ASB15: variants seen among roughly 807,000 people sequenced by gnomAD.
ASB15 encodes the protein ankyrin repeat and SOCS box containing 15.
Under a neutral mutation model 58.0 loss-of-function variants are expected in ASB15, and 54 were observed. The ratio of observed to expected loss-of-function variants is 0.93; its 90% CI spans 0.75 to 1.17. ASB15 has a LOEUF of 1.17. Among genes scored for constraint, ASB15 ranks in the 50% most tolerant of loss-of-function variants. The pLI is 0.00. For missense variants in ASB15, 680 were observed against 707.4 expected (o/e 0.96, Z 0.44); for synonymous variants, 249 against 262.4 (o/e 0.95, Z 0.50).
At chr7:123,619,881 A>T (rs1050566989) in intron 7 of ASB15, 1 of 152,312 alleles carries the variant, frequency 6.6e-6, no homozygotes, top group African/African-American at 2.4e-5. Context: ...TTCAGATAAG[A>T]TGGGAAAAAC....
At chr7:123,633,827 A>G (rs999677962) in intron 11 of ASB15, among the ~76,000 whole-genome samples, 3 of 152,330 alleles carry the variant, frequency 2.0e-5, no homozygotes, top group East Asian at 3.9e-4. Context: ...AAGGAAATGA[A>G]TAAGATGAAC....
chr7:123,617,333 A>T (rs1470103765), intron 6 of ASB15, among the ~76,000 whole-genome samples: 1 of 152,204 alleles, frequency 6.6e-6, no homozygotes, highest in Non-Finnish European at 1.5e-5. Flanking sequence ...AATGAGACTT[A>T]GCACATCATT....
At chr7:123,582,533 G>T (rs1340978510) in intron 1 of ASB15, among the ~76,000 whole-genome samples, 1 of 151,914 alleles carries the variant, frequency 6.6e-6, no homozygotes, top group South Asian at 2.1e-4. Context: ...ATTGTCTGTA[G>T]GTTCCTCAAT....
chr7:123,570,029 CTTTT>C (rs5887142), intron 1 of ASB15, among the ~76,000 whole-genome samples: 47 of 88,194 alleles, frequency 5.3e-4, no homozygotes, highest in African/African-American at 1.8e-3. Context: ...ACTGCCATAG[CTTTT>C]TTTTTTTTTT....
chr7:123,611,001 G>A (rs543548838), intron 3 of ASB15, among the ~76,000 whole-genome samples: 2 of 141,732 alleles, frequency 1.4e-5, no homozygotes, highest in Non-Finnish European at 1.5e-5. Context: ...AGAATCACTC[G>A]AACCCAGCAG....
At chr7:123,568,502 C>A in intron 1 of ASB15, among the ~76,000 whole-genome samples, 1 of 142,284 alleles carries the variant, frequency 7.0e-6, no homozygotes. Context: ...GCCTGAACAA[C>A]AAGAGCGAAA....
intron 1 of ASB15, among the ~76,000 whole-genome samples, chr7:123,572,784 T>G (rs1798949412): frequency 1.3e-5 from 2 of 152,200 alleles, no homozygotes; most frequent in African/African-American, 4.8e-5. Flanking sequence ...TAGATGAGTT[T>G]TATACATTTG....
chr7:123,631,881 AC>A (rs1166797901), intron 11 of ASB15, among the ~76,000 whole-genome samples: 1 of 152,222 alleles, frequency 6.6e-6, no homozygotes, highest in East Asian at 1.9e-4. Context: ...GATCGAGACC[AC>A]CCTGGCTAAC....
At chr7:123,618,950 C>A (rs1012417801) in intron 7 of ASB15, among the ~76,000 whole-genome samples, 2 of 151,666 alleles carry the variant, frequency 1.3e-5, no homozygotes, top group African/African-American at 4.8e-5. Context: ...CCAAGGTGGG[C>A]GAATCACGAG....
chr7:123,586,567 T>A (rs1247994972), intron 1 of ASB15, among the ~76,000 whole-genome samples: 1 of 151,786 alleles, frequency 6.6e-6, no homozygotes, highest in East Asian at 1.9e-4. Context: ...GATTTGCTTG[T>A]ACTTGTTTAT....
intron 3 of ASB15, among the ~76,000 whole-genome samples, chr7:123,610,750 GTTAC>G (rs1289626789): frequency 6.6e-6 from 1 of 152,130 alleles, no homozygotes; most frequent in Non-Finnish European, 1.5e-5. Flanking sequence ...GATTGCATCA[GTTAC>G]TTTGTAAATC....
Position 123,636,986 on chromosome 7 carries a change from A to G in ASB15, c.*5A>G. 1 of 1,488,350 alleles carries G rather than the reference A, an allele frequency of 6.7e-7. No homozygotes were observed. The highest frequency in any genetic ancestry group is 9.2e-7 in the Non-Finnish European group (1 of 1,086,106). The allele number at this position is 1,488,350 out of a possible 1,614,324, so 92.2% of individuals were successfully genotyped here. On this transcript the variant is annotated 3_prime_UTR_variant, in exon 12 of 12. Transcript: ENST00000451215. ...CAAGAGCTAAAATTGACATAACTTAATATTTTAAAATGTGATTTAAAAAAA... is the reference window on the plus strand; with the variant it reads ...CAAGAGCTAAAATTGACATAACTTAGTATTTTAAAATGTGATTTAAAAAAA...
chr7:123,610,481 C>G (rs755074411), intron 3 of ASB15, among the ~76,000 whole-genome samples: 1 of 152,162 alleles, frequency 6.6e-6, no homozygotes, highest in Non-Finnish European at 1.5e-5. Flanking sequence ...CATAGCCTAT[C>G]TGTAAAATAA....
At chr7:123,588,439 T>G (rs1799435504) in intron 1 of ASB15, among the ~76,000 whole-genome samples, 1 of 151,652 alleles carries the variant, frequency 6.6e-6, no homozygotes, top group Non-Finnish European at 1.5e-5. Flanking sequence ...GTTTCGTTAA[T>G]TTTATCTTTT....
chr7:123,617,735 T>C lies in ASB15; in HGVS notation c.449T>C (p.Ile150Thr), dbSNP rs1248646627. 6.2e-7 allele frequency: 1 copy of C among 1,605,982 alleles called. No homozygotes were observed. The highest frequency in any genetic ancestry group is 8.5e-7 in the Non-Finnish European group (1 of 1,175,278). Residue 150 changes from isoleucine (I) to threonine (T), a missense_variant and splice_region_variant, in exon 7 of 12, where the codon ATT becomes ACT. Coordinates refer to ENST00000451215, the MANE Select transcript of ASB15 (RefSeq NM_001290258.2). ...KNDKGETPLL[I>T]AVKKGSYDMV... is the part of the protein sequence containing the mutation. ...GATAAAGGAGAGACCCCCCTTCTGA[T>C]TGGTAAATGACCTTTTTTTCTAGAA...
intron 3 of ASB15, among the ~76,000 whole-genome samples, chr7:123,612,739 AAAG>A (rs1383986975): frequency 2.0e-5 from 3 of 152,230 alleles, no homozygotes; most frequent in East Asian, 3.8e-4. Context: ...TTCTAAGAAC[AAAG>A]AAGAGCCCGA....
chr7:123,568,442 C>A (rs1265311567), intron 1 of ASB15, among the ~76,000 whole-genome samples: 3 of 151,810 alleles, frequency 2.0e-5, no homozygotes, highest in Admixed American at 2.0e-4. Context: ...ATTGCTTGAA[C>A]CCGGGAGGGT....
rs1238234998 is a variant in ASB15, at chr7:123,638,395, G to A, written c.*1414G>A. 1.3e-5 allele frequency: 2 copies of A among 151,904 alleles called. No individual in the cohort carries two copies. Among genetic ancestry groups the A allele is most frequent in the Admixed American group, 6.6e-5 (1 of 15,258 alleles). The allele number at this position is 151,904 out of a possible 1,614,324, so 9.4% of individuals were successfully genotyped here. On this transcript the variant is annotated 3_prime_UTR_variant, in exon 12 of 12. Coordinates refer to ENST00000451215, the MANE Select transcript of ASB15 (RefSeq NM_001290258.2). ...TTAAACACTGATTCCCAGACTTCAA[G>A]GTGTCATACACTAATAGGTTTTATT...
intron 1 of ASB15, among the ~76,000 whole-genome samples, chr7:123,584,440 A>T (rs1799323118): frequency 6.6e-6 from 1 of 151,902 alleles, no homozygotes; most frequent in African/African-American, 2.4e-5. Flanking sequence ...ATTCCAATGC[A>T]AGTCAAACCT....
Sources: gnomAD v4.1 joint callset for allele counts (sites outside exome capture counted in the v4.1 genomes callset) on GRCh38, gnomAD v4.1.1 for gene constraint, MANE v1.5 for transcripts, NCBI Gene and HGNC (gene_info 2026-07-23, HGNC 2026-07-21) for gene names.